GALNT1: variants seen among roughly 807,000 people sequenced by gnomAD.
The protein encoded by GALNT1 is GalNAc transferase 1.
A neutral mutation model predicts 65.7 loss-of-function variants in GALNT1; 17 were observed. The ratio of observed to expected loss-of-function variants is 0.26; its 90% confidence interval spans 0.18 to 0.39. GALNT1 has a LOEUF of 0.39. Ranked by LOEUF, GALNT1 falls within the 10% of genes least tolerant of loss-of-function variation. The probability of loss-of-function intolerance (pLI) is 1.00; values close to 1 mark genes in which losing one functional copy is unlikely to be tolerated. For missense variants in GALNT1, 460 were observed against 672.8 expected, an observed-to-expected ratio of 0.68 and a Z score of 3.50; for synonymous variants, 210 against 219.7, an observed-to-expected ratio of 0.96 and a Z score of 0.39.
intron 1 of GALNT1, among the ~76,000 whole-genome samples, chr18:35,614,251 T>G (rs756062593): frequency 2.9e-4 from 44 of 152,288 alleles, no homozygotes; most frequent in Admixed American, 9.2e-4. Context: ...ATACTGGATA[T>G]TGAACAAAGG....
intron 2 of GALNT1, among the ~76,000 whole-genome samples, chr18:35,655,862 G>C (rs1008033281): frequency 6.6e-6 from 1 of 152,060 alleles, no homozygotes; most frequent in Non-Finnish European, 1.5e-5. Flanking sequence ...CCTAAAATTA[G>C]GCTTAGTTGC....
intron 3 of GALNT1, among the ~76,000 whole-genome samples, chr18:35,668,600 G>C (rs1474533877): frequency 6.6e-6 from 1 of 152,120 alleles, no homozygotes; most frequent in Admixed American, 6.5e-5. Context: ...TAGAATAGTA[G>C]TTGCCAGGGT....
intron 1 of GALNT1, among the ~76,000 whole-genome samples, chr18:35,586,920 A>G (rs965141112): frequency 4.6e-5 from 7 of 152,138 alleles, no homozygotes; most frequent in African/African-American, 1.7e-4. Flanking sequence ...CAGTATGGAG[A>G]AGATCGACGT....
intron 1 of GALNT1, among the ~76,000 whole-genome samples, chr18:35,619,870 G>GT (rs982261814): frequency 2.0e-5 from 3 of 152,050 alleles, no homozygotes; most frequent in Non-Finnish European, 4.4e-5. Flanking sequence ...GAAGTAAAAG[G>GT]TTTTTTTAAA....
Position 35,709,048 on chromosome 18 carries a change from T to A in GALNT1, c.1534-576T>A, listed in dbSNP as rs148665767. 1.6e-3 allele frequency among the ~76,000 whole-genome samples: 238 copies of A among 152,346 alleles called. 2 individuals carry two copies. Among genetic ancestry groups the A allele is most frequent in the African/African-American group, 5.2e-3 (216 of 41,578 alleles). On this transcript the variant is annotated intron_variant, in intron 11 of 11. Coordinates refer to ENST00000269195, the MANE Select transcript of GALNT1 (RefSeq NM_020474.4). ...ATAGCCTCTGGGTTTGCTATGGACA[T>A]AGGCATAAGATTGATTTTACTAAAT...
intron 11 of GALNT1, among the ~76,000 whole-genome samples, chr18:35,707,794 C>A (rs915751583): frequency 6.6e-6 from 1 of 152,116 alleles, no homozygotes; most frequent in African/African-American, 2.4e-5. Flanking sequence ...ATAAGCTTTG[C>A]GGGAACTCCC....
rs535308121 is a variant in GALNT1, at chr18:35,670,779, A to G, written c.315-6812A>G. 2.0e-5 allele frequency among the ~76,000 whole-genome samples: 3 copies of G among 152,354 alleles called. No homozygotes were observed. The South Asian group carries it at 6.2e-4, about 32-fold the overall frequency. On this transcript the variant is annotated intron_variant, in intron 3 of 11. Transcript: ENST00000269195. ...GGATAGACAAGCAGATCAGTGGAAC[A>G]CAATAGCGAGTTCATGACCAGTTCT... is the stretch of plus-strand genomic sequence containing the variant.
intron 1 of GALNT1, among the ~76,000 whole-genome samples, chr18:35,621,560 T>TGCA (rs1394217885): frequency 0.057 from 7,918 of 139,996 alleles, 419 homozygotes; most frequent in African/African-American, 0.1. Flanking sequence ...ATTATCTGTA[T>TGCA]GTATCTGAAT....
chr18:35,595,536 G>A (rs1295990256), intron 1 of GALNT1, among the ~76,000 whole-genome samples: 2 of 152,194 alleles, frequency 1.3e-5, no homozygotes, highest in African/African-American at 4.8e-5. Context: ...ATGGCAACAA[G>A]CTGCTGCGTG....
At chr18:35,641,683 A>G (rs1490615016) in intron 1 of GALNT1, among the ~76,000 whole-genome samples, 2 of 152,240 alleles carry the variant, frequency 1.3e-5, no homozygotes, top group Non-Finnish European at 2.9e-5. Flanking sequence ...GTCTGACAGT[A>G]ATAAGTGTTG....
intron 7 of GALNT1, 57 bp from the exon 8 acceptor site, chr18:35,690,955 G>T: frequency 7.1e-7 from 1 of 1,413,172 alleles, no homozygotes; most frequent in Non-Finnish European, 9.5e-7. Flanking sequence ...GAAAACTAAG[G>T]TGAACATTTC....
At chr18:35,669,335 A>G (rs74581854) in intron 3 of GALNT1, among the ~76,000 whole-genome samples, 1,644 of 152,360 alleles carry the variant, frequency 0.011, 39 homozygotes, top group African/African-American at 0.038. Context: ...AAATGAAGCA[A>G]CATATCAAAC....
chr18:35,667,821 G>T lies in GALNT1; in HGVS notation c.314+4019G>T, dbSNP rs143585329. On this transcript the variant is annotated intron_variant, in intron 3 of 11. Transcript: ENST00000269195. ...TGGTAGTTAGACCTAAAGGCATATC[G>T]TACCAATATCCTTAAAGTCAAGTAA... Among the ~76,000 whole-genome samples, 5 of 152,102 alleles carry T rather than the reference G, an allele frequency of 3.3e-5. No individual in the cohort carries two copies. In the South Asian group the frequency reaches 1.0e-3, roughly 31 times the overall value.
At chr18:35,651,829 A>G (rs1191501156) in intron 1 of GALNT1, among the ~76,000 whole-genome samples, 1 of 152,224 alleles carries the variant, frequency 6.6e-6, no homozygotes, top group African/African-American at 2.4e-5. Flanking sequence ...ATTACATATG[A>G]AAACTAGAAT....
At chr18:35,621,318 A>G (rs181380203) in intron 1 of GALNT1, among the ~76,000 whole-genome samples, 15 of 148,190 alleles carry the variant, frequency 1.0e-4, no homozygotes, top group East Asian at 3.9e-4. Flanking sequence ...AGCTGGGACT[A>G]CAGATGCGTG....
intron 3 of GALNT1, among the ~76,000 whole-genome samples, chr18:35,670,229 T>C (rs1352732285): frequency 6.6e-6 from 1 of 151,934 alleles, no homozygotes. Context: ...GAGTTCGAGA[T>C]TGCAGTGAGC....
chr18:35,591,807 A>C (rs2046448115), intron 1 of GALNT1: 2 of 154,534 alleles, frequency 1.3e-5, no homozygotes, highest in South Asian at 4.1e-4. Flanking sequence ...ACTTCACATG[A>C]CTTTGTATGC....
intron 3 of GALNT1, 34 bp from the exon 4 acceptor site, chr18:35,677,557 T>G: frequency 6.4e-7 from 1 of 1,563,952 alleles, no homozygotes; most frequent in Non-Finnish European, 8.7e-7. Context: ...ATCTTAACAG[T>G]CACTTTTTAT....
intron 1 of GALNT1, among the ~76,000 whole-genome samples, chr18:35,654,161 A>G (rs1451501842): frequency 6.6e-6 from 1 of 152,206 alleles, no homozygotes; most frequent in Admixed American, 6.5e-5. Context: ...GTAGGAAGGT[A>G]GTTAAGACCC....
Sources: gnomAD v4.1 joint callset for allele counts (sites outside exome capture counted in the v4.1 genomes callset) on GRCh38, gnomAD v4.1.1 for gene constraint, MANE v1.5 for transcripts, NCBI Gene and HGNC (gene_info 2026-07-23, HGNC 2026-07-21) for gene names.